The following ODAD2 variants were observed in gnomAD, a reference collection of about 807,000 sequenced individuals.
ODAD2 encodes outer dynein arm docking complex subunit 2.
Under a neutral mutation model 106.8 loss-of-function variants are expected in ODAD2, and 89 were observed. That is an observed-to-expected ratio of 0.83 (90% CI 0.70 to 0.99). ODAD2 has a LOEUF of 0.99. Among genes scored for constraint, ODAD2 ranks in the 50% least tolerant of loss-of-function variants. The pLI is 0.00. For synonymous variants in ODAD2, 404 were observed against 436.2 expected (o/e 0.93, Z 0.92); for missense variants, 1,168 against 1,238.5 (o/e 0.94, Z 0.85).
Position 27,860,828 on chromosome 10 carries a change from G to A in ODAD2, c.2818C>T (p.His940Tyr), listed in dbSNP as rs1564437601. Residue 940 changes from histidine (H) to tyrosine (Y), a missense_variant, in exon 19 of 20, where the codon CAT (histidine) becomes TAT (tyrosine). By Grantham distance (83) the His-to-Tyr change is moderately conservative. This residue lies in a region of ODAD2 where 701 missense variants were observed against 712.3 expected (regional missense o/e 0.98). Transcript: ENST00000305242. The stretch of plus-strand genomic sequence containing the variant: ...CGTGAAATAGCTTCTGCTAGATGAT[G>A]TCTCAATTTATTGTTATTCTGTGCA... ...LANTNNNKLR[H>Y]HLAEAISRCC... 1.2e-6 allele frequency: 2 copies of A among 1,614,044 alleles called. No individual in the cohort carries two copies. The highest frequency in any genetic ancestry group is 1.7e-6 in the Non-Finnish European group (2 of 1,179,926).
At chr10:27,945,106 G>C in intron 10 of ODAD2, 144 bp from the exon 11 acceptor site, 2 of 910,860 alleles carry the variant, frequency 2.2e-6, no homozygotes, top group East Asian at 2.5e-5. Flanking sequence ...GCCGAAGCAT[G>C]GAAAAGCTGT....
At chr10:27,894,496 G>A (rs1412488137) in intron 17 of ODAD2, among the ~76,000 whole-genome samples, 5 of 151,614 alleles carry the variant, frequency 3.3e-5, no homozygotes. Flanking sequence ...ACAAATATAT[G>A]GGGAGCTATG....
At chr10:27,967,213 G>A (rs1407184897) in intron 9 of ODAD2, among the ~76,000 whole-genome samples, 2 of 151,836 alleles carry the variant, frequency 1.3e-5, no homozygotes, top group Non-Finnish European at 2.9e-5. Flanking sequence ...GCCAAGTGAA[G>A]AGCCTAGGGC....
intron 17 of ODAD2, among the ~76,000 whole-genome samples, chr10:27,866,856 C>T (rs1403460902): frequency 6.6e-6 from 1 of 152,128 alleles, no homozygotes; most frequent in Non-Finnish European, 1.5e-5. Context: ...CATTAGACCC[C>T]ACTCCAACAC....
At chr10:27,860,533 A>G (rs909561936) in intron 19 of ODAD2, 92 bp downstream of exon 19, 7 of 1,195,538 alleles carry the variant, frequency 5.9e-6, no homozygotes, top group Non-Finnish European at 8.4e-6. Context: ...GTCTCTGAAT[A>G]CCTCCTTTAG....
At chr10:27,855,592 T>C (rs1303811186) in intron 19 of ODAD2, among the ~76,000 whole-genome samples, 1 of 152,230 alleles carries the variant, frequency 6.6e-6, no homozygotes, top group Admixed American at 6.5e-5. Flanking sequence ...CTAGGTGACC[T>C]TAGTATCTAA....
intron 2 of ODAD2, among the ~76,000 whole-genome samples, chr10:27,988,347 T>A (rs1850009447): frequency 6.6e-6 from 1 of 150,754 alleles, no homozygotes; most frequent in Non-Finnish European, 1.5e-5. Flanking sequence ...CTTTTTTTTT[T>A]TTTTTTTTGA....
intron 19 of ODAD2, among the ~76,000 whole-genome samples, chr10:27,829,123 CAA>C (rs888627960): frequency 2.0e-5 from 3 of 151,890 alleles, no homozygotes; most frequent in African/African-American, 7.2e-5. Context: ...AAAAAAGAAA[CAA>C]AATCCTTTTG....
intron 19 of ODAD2, among the ~76,000 whole-genome samples, chr10:27,848,545 C>G (rs1234943008): frequency 1.3e-5 from 2 of 151,826 alleles, no homozygotes; most frequent in East Asian, 1.9e-4. Context: ...TAACAAAAGC[C>G]AAAATTGACA....
At chr10:27,980,215 C>G (rs1849459273) in intron 7 of ODAD2, among the ~76,000 whole-genome samples, 1 of 151,970 alleles carries the variant, frequency 6.6e-6, no homozygotes, top group African/African-American at 2.4e-5. Context: ...CTATACAATC[C>G]TTAGAGGAAA....
upstream of ODAD2, among the ~76,000 whole-genome samples, chr10:27,999,314 TC>T (rs778442295): frequency 3.3e-5 from 5 of 152,058 alleles, no homozygotes; most frequent in Non-Finnish European, 7.4e-5. Flanking sequence ...CAGAAAATAT[TC>T]CTTAGAAACC....
chr10:27,838,012 C>T (rs1180512533), intron 19 of ODAD2, among the ~76,000 whole-genome samples: 1 of 152,014 alleles, frequency 6.6e-6, no homozygotes, highest in South Asian at 2.1e-4. Flanking sequence ...TCCTAAGAAT[C>T]TAAGATTTTT....
chr10:27,877,347 C>T (rs988093175), intron 17 of ODAD2, among the ~76,000 whole-genome samples: 10 of 152,060 alleles, frequency 6.6e-5, no homozygotes, highest in Admixed American at 3.3e-4. Context: ...CCAAGAACTT[C>T]CTAAGGTGCA....
chr10:27,846,145 T>C (rs1838732471), intron 19 of ODAD2, among the ~76,000 whole-genome samples: 1 of 152,326 alleles, frequency 6.6e-6, no homozygotes, highest in East Asian at 1.9e-4. Context: ...ACATCGTACT[T>C]ATTCCAAAAT....
At chr10:27,914,584 A>G (rs987074368) in intron 16 of ODAD2, among the ~76,000 whole-genome samples, 10 of 152,110 alleles carry the variant, frequency 6.6e-5, no homozygotes, top group Admixed American at 1.3e-4. Context: ...GGCAGAATAT[A>G]TGTTTAATCT....
At chr10:27,930,205 C>T (rs1419819335) in intron 16 of ODAD2, among the ~76,000 whole-genome samples, 4 of 151,924 alleles carry the variant, frequency 2.6e-5, no homozygotes, top group Non-Finnish European at 1.5e-5. Flanking sequence ...TGACTACTTG[C>T]TTTTAAAACT....
intron 17 of ODAD2, among the ~76,000 whole-genome samples, chr10:27,867,633 A>G (rs1037021097): frequency 2.6e-5 from 4 of 152,096 alleles, no homozygotes; most frequent in Admixed American, 2.6e-4. Context: ...CTTCTAAAAG[A>G]CCAGGAAAAC....
intron 17 of ODAD2, among the ~76,000 whole-genome samples, chr10:27,867,818 G>A (rs547729485): frequency 2.0e-4 from 31 of 151,988 alleles, no homozygotes; most frequent in African/African-American, 7.0e-4. Flanking sequence ...GCATGGTGGC[G>A]TGAACCTGTA....
chr10:27,979,923 A>G (rs11595811), intron 7 of ODAD2, among the ~76,000 whole-genome samples: 67,316 of 151,904 alleles, frequency 0.44, 15,862 homozygotes, highest in African/African-American at 0.6. Flanking sequence ...TAAAAAACAA[A>G]AACAAAGTTG....
Sources: allele counts gnomAD v4.1 joint callset (sites outside exome capture counted in the v4.1 genomes callset), GRCh38; gene constraint gnomAD v4.1.1; regional missense constraint gnomAD v4.1.1; transcripts MANE v1.5; gene names NCBI Gene and HGNC (gene_info 2026-07-23, HGNC 2026-07-21).